ASPH: variants seen among roughly 807,000 people sequenced by gnomAD.
ASPH encodes aspartate beta-hydroxylase.
In ASPH, 100 loss-of-function variants were observed where a neutral mutation model predicts 118.4. That is an observed-to-expected ratio of 0.84 (90% CI 0.72 to 1.00). The LOEUF (loss-of-function observed/expected upper bound fraction) is 1.00, where lower values mean the gene tolerates loss of function less well. Among genes scored for constraint, ASPH ranks in the 50% least tolerant of loss-of-function variants. The pLI is 0.00. For synonymous variants in ASPH, 315 were observed against 325.6 expected, an observed-to-expected ratio of 0.97 and a Z score of 0.35; for missense variants, 920 against 919.5, an observed-to-expected ratio of 1.00 and a Z score of -0.01.
At chr8:61,626,185 T>C in intron 13 of ASPH, 2 of 1,392,292 alleles carry the variant, frequency 1.4e-6, no homozygotes, top group Non-Finnish European at 1.9e-6. Context: ...TGCTCAGTAA[T>C]TGCTTCACAA....
intron 13 of ASPH, among the ~76,000 whole-genome samples, chr8:61,622,686 A>C (rs1186013367): frequency 6.6e-6 from 1 of 152,056 alleles, no homozygotes; most frequent in African/African-American, 2.4e-5. Flanking sequence ...CCTCCCTCCA[A>C]TGGCTTCCAC....
chr8:61,581,507 T>C (rs1307609984), intron 15 of ASPH, among the ~76,000 whole-genome samples: 1 of 152,222 alleles, frequency 6.6e-6, no homozygotes, highest in African/African-American at 2.4e-5. Flanking sequence ...AATCCACTGG[T>C]ATGATGTCAG....
intron 17 of ASPH, among the ~76,000 whole-genome samples, chr8:61,563,272 T>A (rs1313876053): frequency 6.6e-6 from 1 of 152,116 alleles, no homozygotes; most frequent in African/African-American, 2.4e-5. Context: ...AAGTCTTAAC[T>A]AACTTCAGGG....
intron 1 of ASPH, among the ~76,000 whole-genome samples, chr8:61,713,951 T>A (rs1396259515): frequency 6.6e-6 from 1 of 152,200 alleles, no homozygotes; most frequent in Non-Finnish European, 1.5e-5. Context: ...ACTCCCATGT[T>A]CAATTCCACG....
chr8:61,530,666 A>T (rs1817238523), intron 21 of ASPH, among the ~76,000 whole-genome samples: 1 of 152,192 alleles, frequency 6.6e-6, no homozygotes, highest in African/African-American at 2.4e-5. Flanking sequence ...AGCCTAACTC[A>T]TTTTTATTTA....
chr8:61,571,332 A>G (rs1239348232), intron 16 of ASPH, among the ~76,000 whole-genome samples: 1 of 152,182 alleles, frequency 6.6e-6, no homozygotes, highest in Middle Eastern at 3.2e-3. Context: ...TTAGTTATAT[A>G]CTGGAGATTA....
intron 18 of ASPH, among the ~76,000 whole-genome samples, chr8:61,561,387 T>C (rs13255126): frequency 0.53 from 81,025 of 152,142 alleles, 25,668 homozygotes; most frequent in Non-Finnish European, 0.7. Context: ...ATGGCACACA[T>C]TGTCAACATT....
rs1341845385 is a variant in ASPH at position 61,567,330 on chromosome 8, C to T, written c.1150-12G>A. 7 of 1,607,514 alleles carry T rather than the reference C, an allele frequency of 4.4e-6. No individual in the cohort carries two copies. The highest frequency in any genetic ancestry group is 5.9e-6 in the Non-Finnish European group (7 of 1,176,750). ...AAATCATCCTCACACTAGAAGAAGTCCCCAGACTGGATAAATGTCCCATGA... is the reference window on the plus strand; with the variant it reads ...AAATCATCCTCACACTAGAAGAAGTTCCCAGACTGGATAAATGTCCCATGA... On this transcript the variant is annotated splice_polypyrimidine_tract_variant and intron_variant, in intron 16 of 24. Transcript: ENST00000379454.
At position 61,671,956 on chromosome 8, in the gene ASPH, A is replaced by G. The variant is rs1822772417; in HGVS notation, c.322+9012T>C. 3.3e-5 allele frequency among the ~76,000 whole-genome samples: 5 copies of G among 152,256 alleles called. No homozygotes were observed. The South Asian group carries it at 1.0e-3, about 31-fold the overall frequency. ...TCAGACAGCTCTAGAATTGGTCTGG[A>G]TATCACTTCATACTCAGGTCACTTC... On this transcript the variant is annotated intron_variant, in intron 3 of 24. Coordinates refer to ENST00000379454, the MANE Select transcript of ASPH (RefSeq NM_004318.4).
intron 3 of ASPH, among the ~76,000 whole-genome samples, chr8:61,670,760 GA>G (rs199678919): frequency 1.3e-5 from 2 of 148,384 alleles, no homozygotes; most frequent in Non-Finnish European, 3.0e-5. Flanking sequence ...TGCAGTGTCT[GA>G]AAAAAAAAGG....
intron 8 of ASPH, 83 bp from the exon 9 acceptor site, chr8:61,643,516 A>AT: frequency 2.2e-6 from 3 of 1,341,866 alleles, no homozygotes; most frequent in Admixed American, 3.8e-5. Flanking sequence ...TCATAAATTA[A>AT]TTATCTTCAC....
At chr8:61,599,193 A>G (rs1309601407) in intron 14 of ASPH, among the ~76,000 whole-genome samples, 2 of 152,190 alleles carry the variant, frequency 1.3e-5, no homozygotes, top group African/African-American at 4.8e-5. Context: ...CAAAAGTTCA[A>G]TGAAATGAAA....
chr8:61,581,658 T>C (rs1185140937), intron 15 of ASPH, among the ~76,000 whole-genome samples: 6 of 152,202 alleles, frequency 3.9e-5, no homozygotes, highest in Non-Finnish European at 2.9e-5. Context: ...TTCCATGTTG[T>C]CCCTCGAGGA....
intron 1 of ASPH, among the ~76,000 whole-genome samples, chr8:61,711,331 A>T (rs1838009417): frequency 6.6e-6 from 1 of 152,178 alleles, no homozygotes; most frequent in African/African-American, 2.4e-5. Flanking sequence ...GGACATCATG[A>T]TCCTTCTTTG....
chr8:61,541,805 C>T (rs1822079814), intron 21 of ASPH, among the ~76,000 whole-genome samples: 1 of 152,192 alleles, frequency 6.6e-6, no homozygotes, highest in Non-Finnish European at 1.5e-5. Context: ...CTATGATTCA[C>T]ACTCTGATCT....
intron 15 of ASPH, chr8:61,583,181 A>G (rs1400637171): frequency 2.0e-5 from 3 of 152,248 alleles, no homozygotes; most frequent in African/African-American, 7.2e-5. Context: ...TAATGGACTG[A>G]CCTAGTTTTT....
chr8:61,594,702 G>A (rs756967455), intron 14 of ASPH, among the ~76,000 whole-genome samples: 5 of 152,012 alleles, frequency 3.3e-5, no homozygotes, highest in Non-Finnish European at 7.4e-5. Context: ...ATCAGTGATT[G>A]TTGTTAATCT....
At chr8:61,701,034 A>G (rs1835121424) in intron 1 of ASPH, among the ~76,000 whole-genome samples, 1 of 152,186 alleles carries the variant, frequency 6.6e-6, no homozygotes, top group South Asian at 2.1e-4. Context: ...TAGAACATCA[A>G]TATTTCTGCT....
intron 21 of ASPH, among the ~76,000 whole-genome samples, chr8:61,539,243 AAT>A (rs1354658107): frequency 6.6e-6 from 1 of 152,052 alleles, no homozygotes; most frequent in African/African-American, 2.4e-5. Flanking sequence ...TCCATCTCAA[AAT>A]ATATATATAT....
Sources: gnomAD v4.1 joint callset for allele counts (sites outside exome capture counted in the v4.1 genomes callset) on GRCh38, gnomAD v4.1.1 for gene constraint, MANE v1.5 for transcripts, NCBI Gene and HGNC (gene_info 2026-07-23, HGNC 2026-07-21) for gene names.